UBE2E1: variants seen among roughly 807,000 people sequenced by gnomAD.
The protein encoded by UBE2E1 is ubiquitin-conjugating enzyme E2 E1.
Under a neutral mutation model 21.4 loss-of-function variants are expected in UBE2E1, and 6 were observed. The ratio of observed to expected loss-of-function variants is 0.28; its 90% CI spans 0.15 to 0.55. The LOEUF (loss-of-function observed/expected upper bound fraction) is 0.55. UBE2E1 is among the 20% of genes least tolerant of loss of function. The pLI is 0.93. For synonymous variants in UBE2E1, 87 were observed against 82.7 expected, an observed-to-expected ratio of 1.05 and a Z score of -0.28; for missense variants, 142 against 236.5, an observed-to-expected ratio of 0.60 and a Z score of 2.62.
At chr3:23,847,121 T>C (rs1035497422) in intron 3 of UBE2E1, among the ~76,000 whole-genome samples, 1 of 152,190 alleles carries the variant, frequency 6.6e-6, no homozygotes, top group African/African-American at 2.4e-5. Flanking sequence ...TTATTTTCCC[T>C]TTGGTTCATC....
intron 3 of UBE2E1, among the ~76,000 whole-genome samples, chr3:23,854,888 C>G (rs1203156253): frequency 6.6e-6 from 1 of 152,176 alleles, no homozygotes; most frequent in Non-Finnish European, 1.5e-5. Context: ...TAATTATTCA[C>G]TTGACAAACT....
At chr3:23,845,589 C>CTCTCTCTGTG (rs1553637998) in intron 3 of UBE2E1, among the ~76,000 whole-genome samples, 1 of 121,288 alleles carries the variant, frequency 8.2e-6, no homozygotes, top group South Asian at 3.2e-4. Flanking sequence ...CTCTCTCTCT[C>CTCTCTCTGTG]TGTGTGTGTG....
At chr3:23,822,462 G>GT (rs1363304520) in intron 3 of UBE2E1, among the ~76,000 whole-genome samples, 33 of 149,294 alleles carry the variant, frequency 2.2e-4, no homozygotes, top group South Asian at 1.7e-3. Context: ...TCTCAAAGGA[G>GT]TTTTTTTTTT....
At chr3:23,873,928 TA>T (rs1700858681) in intron 3 of UBE2E1, among the ~76,000 whole-genome samples, 1 of 152,174 alleles carries the variant, frequency 6.6e-6, no homozygotes, top group Non-Finnish European at 1.5e-5. Context: ...TGCCAAACAA[TA>T]AAATAATAGA....
intron 3 of UBE2E1, among the ~76,000 whole-genome samples, chr3:23,871,303 A>G (rs1474731439): frequency 8.1e-4 from 31 of 38,282 alleles, no homozygotes; most frequent in African/African-American, 1.8e-3. Flanking sequence ...GGCCGGGCAG[A>G]GGAGCTCCTC....
rs574846801 is a variant in UBE2E1 at position 23,836,499 on chromosome 3, G to A, written c.203+24989G>A. Among the ~76,000 whole-genome samples the A allele has an allele frequency of 5.3e-5, 8 of 152,316 alleles. No homozygotes were observed. Among genetic ancestry groups the A allele is most frequent in the African/African-American group, 1.9e-4 (8 of 41,568 alleles). ...TTTAAGTAAGCAATAGAAGAGATGTGTGTGTTCCTCTGAAAACTGCAAGGT... is the reference window on the plus strand; with the variant it reads ...TTTAAGTAAGCAATAGAAGAGATGTATGTGTTCCTCTGAAAACTGCAAGGT... On this transcript the variant is annotated intron_variant, in intron 3 of 5. Coordinates refer to ENST00000306627, the MANE Select transcript of UBE2E1 (RefSeq NM_003341.5). The surrounding 1 kb of genome is among the most constrained non-coding windows in gnomAD (Gnocchi z 4.1).
rs371670186 is a variant in UBE2E1 at position 23,891,529 on chromosome 3, G to A, written c.*923G>A. 6.6e-6 allele frequency: 1 copy of A among 152,110 alleles called. No homozygotes were observed. The highest frequency in any genetic ancestry group is 2.4e-5 in the African/African-American group (1 of 41,406). The allele number at this position is 152,110 out of a possible 1,614,324, so 9.4% of individuals were successfully genotyped here. A position where few individuals can be genotyped will look rare whatever the true frequency, so the allele number is the denominator to read the frequency against. The stretch of plus-strand genomic sequence containing the variant: ...TCTACCCCATTTAGGCTTCAAAGAC[G>A]AACCCTACTGCATCTTTTTAAAAGC... On this transcript the variant is annotated 3_prime_UTR_variant, in exon 6 of 6. Coordinates refer to ENST00000306627, the MANE Select transcript of UBE2E1 (RefSeq NM_003341.5).
rs1701218696 is a variant in UBE2E1, at chr3:23,887,664, A to C, written c.301A>C (p.Thr101Pro). 1 of 1,613,784 alleles carries C rather than the reference A, an allele frequency of 6.2e-7. No homozygotes were observed. The highest frequency in any genetic ancestry group is 1.7e-5 in the Admixed American group (1 of 59,886). ...GGGTGGTGTATTCTTTCTCGATATC[A>C]CTTTTACACCAGAATATCCCTTCAA... Reference protein sequence around the residue: ...YEGGVFFLDITFTPEYPFKPP... With the variant: ...YEGGVFFLDIPFTPEYPFKPP... Residue 101 changes from threonine to proline, a missense_variant, in exon 4 of 6, where the codon ACT (threonine) becomes CCT (proline). Physicochemically the swap from Thr to Pro is conservative, Grantham distance 38 (BLOSUM62 -1). Around this residue, in one of 2 missense-constraint regions of UBE2E1, gnomAD observed 87 missense variants for 184.9 expected, o/e 0.47. Coordinates refer to ENST00000306627, the MANE Select transcript of UBE2E1 (RefSeq NM_003341.5). The surrounding 1 kb of genome is among the most constrained non-coding windows in gnomAD (Gnocchi z 4.4).
intron 3 of UBE2E1, among the ~76,000 whole-genome samples, chr3:23,834,332 A>G (rs1315890462): frequency 6.6e-6 from 1 of 152,294 alleles, no homozygotes; most frequent in East Asian, 1.9e-4. Context: ...ACCCCCATCA[A>G]ATTCTCCTTC....
Position 23,842,839 on chromosome 3 carries a change from A to G in UBE2E1, c.203+31329A>G, listed in dbSNP as rs1700124502. Among the ~76,000 whole-genome samples the G allele has an allele frequency of 6.6e-6, 1 of 152,216 alleles. No individual in the cohort carries two copies. The highest frequency in any genetic ancestry group is 2.1e-4 in the South Asian group (1 of 4,832). ...TTTGAGTCTTCTGGAATAGATGTTC[A>G]AAAGATCAAATTTTCCATATCTCTG... is the stretch of plus-strand genomic sequence containing the variant. On this transcript the variant is annotated intron_variant, in intron 3 of 5. Coordinates refer to ENST00000306627, the MANE Select transcript of UBE2E1 (RefSeq NM_003341.5). This position sits in a 1 kb window ranked among gnomAD's most constrained non-coding sequence, Gnocchi z 4.6.
chr3:23,841,900 G>A (rs537320634), intron 3 of UBE2E1, among the ~76,000 whole-genome samples: 146 of 152,252 alleles, frequency 9.6e-4, no homozygotes, highest in African/African-American at 3.4e-3. Flanking sequence ...ATGGTTTAGA[G>A]TTCTATTAGG....
At chr3:23,855,971 C>T (rs1202497317) in intron 3 of UBE2E1, among the ~76,000 whole-genome samples, 1 of 152,146 alleles carries the variant, frequency 6.6e-6, no homozygotes, top group Non-Finnish European at 1.5e-5. Flanking sequence ...GATGAGGAAA[C>T]TGAGGACTGA....
At position 23,890,759 on chromosome 3, in the gene UBE2E1, TTAAGG is replaced by T; in HGVS notation, c.*156_*160del. ...TTATTTCCTAAGATTTTGTTGTAAC[TTAAGG>T]TATCTTGCTACAGTAGACAGAATTG... On this transcript the variant is annotated 3_prime_UTR_variant, in exon 6 of 6. Coordinates refer to ENST00000306627, the MANE Select transcript of UBE2E1 (RefSeq NM_003341.5). The T allele has an allele frequency of 1.6e-6, 1 of 625,002 alleles. No individual in the cohort carries two copies. The allele number at this position is 625,002 out of a possible 1,614,324, so 38.7% of individuals were successfully genotyped here.
chr3:23,875,303 C>T (rs1700891314), intron 3 of UBE2E1, among the ~76,000 whole-genome samples: 1 of 152,082 alleles, frequency 6.6e-6, no homozygotes. Flanking sequence ...CATATTTGAT[C>T]ATCTAATTAA....
rs192284663 is a variant in UBE2E1, at chr3:23,848,027, C to T, written c.203+36517C>T. On this transcript the variant is annotated intron_variant, in intron 3 of 5. Transcript: ENST00000306627. ...AACACAAATGGTAACTTGCTGTAAACACTGTTCTGTACCTTGGTTTTTTAA... is the reference window on the plus strand; with the variant it reads ...AACACAAATGGTAACTTGCTGTAAATACTGTTCTGTACCTTGGTTTTTTAA... 3.7e-4 allele frequency among the ~76,000 whole-genome samples: 57 copies of T among 152,212 alleles called. 1 individual carries two copies. Among genetic ancestry groups the T allele is most frequent in the East Asian group, 1.3e-3 (7 of 5,188 alleles).
chr3:23,819,284 A>AAAAT (rs535287414), intron 3 of UBE2E1, among the ~76,000 whole-genome samples: 3,274 of 151,998 alleles, frequency 0.022, 44 homozygotes, highest in South Asian at 0.051. Flanking sequence ...ACGCCATCTC[A>AAAAT]AAATAAATAA....
Position 23,863,822 on chromosome 3 carries a change from G to A in UBE2E1, c.204-23745G>A, listed in dbSNP as rs1484339008. ...TGGGATTACAGGCGTGAACCACCGC[G>A]CCCAGCCTGAATTTTATCTTTTTTG... On this transcript the variant is annotated intron_variant, in intron 3 of 5. Transcript: ENST00000306627. This position sits in a 1 kb window ranked among gnomAD's most constrained non-coding sequence, Gnocchi z 4.3. Among the ~76,000 whole-genome samples, 14 of 152,074 alleles carry A rather than the reference G, an allele frequency of 9.2e-5. No homozygotes were observed. Among genetic ancestry groups the A allele is most frequent in the South Asian group, 2.1e-4 (1 of 4,822 alleles).
intron 3 of UBE2E1, among the ~76,000 whole-genome samples, chr3:23,885,809 G>T (rs1008433987): frequency 3.9e-5 from 6 of 152,156 alleles, no homozygotes; most frequent in African/African-American, 1.4e-4. Flanking sequence ...GCATTGAGCC[G>T]AGATCGTGCC....
At chr3:23,812,377 T>A (rs112991934) in intron 3 of UBE2E1, among the ~76,000 whole-genome samples, 2,529 of 152,276 alleles carry the variant, frequency 0.017, 53 homozygotes, top group African/African-American at 0.056. Flanking sequence ...ACTCTAAACT[T>A]ATTGGTAGGA....
Sources: gnomAD v4.1 joint callset for allele counts (sites outside exome capture counted in the v4.1 genomes callset) on GRCh38, gnomAD v4.1.1 for gene constraint, gnomAD v4.1.1 regional missense constraint, Gnocchi (gnomAD v3.1) non-coding constraint, MANE v1.5 for transcripts, NCBI Gene and HGNC (gene_info 2026-07-23, HGNC 2026-07-21) for gene names.